Variants in ERI1 observed in about 807,000 individuals in gnomAD.
The protein encoded by ERI1 is 3'-5' exoribonuclease 1.
ERI1 carries 39 observed loss-of-function variants against 39.7 expected under a neutral mutation model. The observed-to-expected ratio is 0.98, with a 90% CI of 0.76 to 1.28. The LOEUF is 1.28. Ranked by LOEUF, ERI1 falls within the 50% of genes most tolerant of loss-of-function variation. The pLI, the probability that ERI1 is intolerant of heterozygous loss-of-function variation, is 0.00. For missense variants in ERI1, 581 were observed against 416.9 expected, an observed-to-expected ratio of 1.39 and a Z score of -3.43; for synonymous variants, 204 against 149.6, an observed-to-expected ratio of 1.36 and a Z score of -2.65.
intron 3 of ERI1, among the ~76,000 whole-genome samples, chr8:9,087,972 C>T (rs577436084): frequency 6.6e-6 from 1 of 152,314 alleles, no homozygotes; most frequent in African/African-American, 2.4e-5. Context: ...TCCAGTTGAT[C>T]ATCACATTCC....
intron 3 of ERI1, among the ~76,000 whole-genome samples, chr8:9,050,191 C>A (rs2117370782): frequency 6.6e-6 from 1 of 150,802 alleles, no homozygotes; most frequent in Non-Finnish European, 1.5e-5. Flanking sequence ...AAAAAGATAG[C>A]TATTTTCGCC....
At chr8:9,078,228 A>G (rs1305958948) in intron 3 of ERI1, among the ~76,000 whole-genome samples, 1 of 152,120 alleles carries the variant, frequency 6.6e-6, no homozygotes, top group Non-Finnish European at 1.5e-5. Context: ...GACCTCAAGC[A>G]ATCCACCCAC....
At chr8:9,012,598 TAGA>T (rs1455903756) in intron 3 of ERI1, among the ~76,000 whole-genome samples, 1 of 152,228 alleles carries the variant, frequency 6.6e-6, no homozygotes, top group East Asian at 1.9e-4. Context: ...GTCAGTAAAT[TAGA>T]AGGAAAAATG....
intron 2 of ERI1, among the ~76,000 whole-genome samples, chr8:9,011,296 CTG>C (rs1323356772): frequency 6.6e-6 from 1 of 152,030 alleles, no homozygotes; most frequent in East Asian, 1.9e-4. Context: ...GGAGAAAATA[CTG>C]TTATATACTA....
chr8:9,003,096 CG>C lies in ERI1; in HGVS notation c.34del (p.Glu12ArgfsTer68). ...EDPQSKEPAG[E>X]AVALALLESP... ...ATCCACAGAGTAAAGAGCCTGCCGG[CG>C]AGGCCGTGGCTCTCGCGCTGCTGGA... On this transcript the variant is annotated frameshift_variant, in exon 1 of 7. Coordinates refer to ENST00000250263, the MANE Select transcript of ERI1 (RefSeq NM_153332.4). LOFTEE classifies it high-confidence loss of function. The C allele has an allele frequency of 8.0e-7, 1 of 1,247,724 alleles. No homozygotes were observed. Among genetic ancestry groups the C allele is most frequent in the Non-Finnish European group, 1.0e-6 (1 of 989,396 alleles). 77.3% of individuals were successfully genotyped at this position (1,247,724 alleles called of 1,614,324 possible). A position where few individuals can be genotyped will look rare whatever the true frequency, so the allele number is the denominator to read the frequency against.
At chr8:9,028,114 C>A (rs954610783) in intron 6 of ERI1, among the ~76,000 whole-genome samples, 1 of 152,094 alleles carries the variant, frequency 6.6e-6, no homozygotes, top group African/African-American at 2.4e-5. Context: ...AGTATTTCTT[C>A]TTCAATTTTT....
intron 3 of ERI1, among the ~76,000 whole-genome samples, chr8:9,079,897 C>G (rs573633110): frequency 6.6e-6 from 1 of 151,838 alleles, no homozygotes; most frequent in South Asian, 2.1e-4. Flanking sequence ...TCTTGAACAC[C>G]TAGGCTCCAG....
At chr8:9,006,750 T>C (rs1816061171) in intron 1 of ERI1, among the ~76,000 whole-genome samples, 1 of 152,190 alleles carries the variant, frequency 6.6e-6, no homozygotes, top group Non-Finnish European at 1.5e-5. Flanking sequence ...GTTCACACAT[T>C]GGAACTGCTG....
chr8:9,049,449 G>C (rs371432342), intron 3 of ERI1, among the ~76,000 whole-genome samples: 48 of 151,504 alleles, frequency 3.2e-4, no homozygotes, highest in African/African-American at 9.7e-4. Context: ...GGGTTGCTGA[G>C]GTTGGGGTGA....
chr8:9,013,999 T>C (rs376337166), intron 3 of ERI1, among the ~76,000 whole-genome samples: 61 of 152,338 alleles, frequency 4.0e-4, no homozygotes, highest in African/African-American at 1.4e-3. Flanking sequence ...CAACCAGTTC[T>C]CAAAAAACTG....
chr8:9,054,400 C>G (rs767168357), intron 3 of ERI1, among the ~76,000 whole-genome samples: 1 of 152,034 alleles, frequency 6.6e-6, no homozygotes, highest in Non-Finnish European at 1.5e-5. Context: ...TGTTTCTATT[C>G]TTTATGTAAT....
At chr8:9,087,127 C>T (rs972657288) in intron 3 of ERI1, among the ~76,000 whole-genome samples, 1 of 152,064 alleles carries the variant, frequency 6.6e-6, no homozygotes, top group Non-Finnish European at 1.5e-5. Flanking sequence ...TGGTTTGCTG[C>T]ACCCACCAAC....
chr8:9,041,050 G>A (rs1376382442), intron 3 of ERI1, among the ~76,000 whole-genome samples: 2 of 152,202 alleles, frequency 1.3e-5, no homozygotes, highest in African/African-American at 4.8e-5. Context: ...CCAGGCACTT[G>A]CTCCGCTGAG....
Position 9,014,172 on chromosome 8 carries a change from C to G in ERI1, c.499-2150C>G, listed in dbSNP as rs184030866. 2.6e-5 allele frequency among the ~76,000 whole-genome samples: 4 copies of G among 152,288 alleles called. No individual in the cohort carries two copies. The East Asian group carries it at 5.8e-4, about 22-fold the overall frequency. On this transcript the variant is annotated intron_variant, in intron 3 of 6. Transcript: ENST00000250263. Reference sequence around the variant, plus strand: ...TTACTACTCTTTTCCTTAACTCATTCCACTCCAGGCATACTGACCTGCTTG... The same window carrying G: ...TTACTACTCTTTTCCTTAACTCATTGCACTCCAGGCATACTGACCTGCTTG...
chr8:9,062,609 A>C (rs1174430410), intron 3 of ERI1: 1 of 147,248 alleles, frequency 6.8e-6, no homozygotes, highest in African/African-American at 2.4e-5. Flanking sequence ...TTGATTAAGA[A>C]GGGGACGGAC....
chr8:9,048,355 A>C (rs1182797749), intron 3 of ERI1: 1 of 154,378 alleles, frequency 6.5e-6, no homozygotes, highest in African/African-American at 2.4e-5. Context: ...GTCAGCACTG[A>C]TGTGAGGGTT....
chr8:9,038,724 C>T (rs1797928717), intron 3 of ERI1, among the ~76,000 whole-genome samples: 1 of 152,080 alleles, frequency 6.6e-6, no homozygotes, highest in Admixed American at 6.5e-5. Context: ...TTTATTGTGA[C>T]CGTAAGGATG....
In ERI1 at chr8:9,078,059, G is replaced by A. The variant is rs138052635; in HGVS notation, n.300-38289G>A. ...GGCTGGAATGCAGTGGAGTGATCTCGGCTCACTGCAACCTCCACCTCCTGG... is the reference window on the plus strand; with the variant it reads ...GGCTGGAATGCAGTGGAGTGATCTCAGCTCACTGCAACCTCCACCTCCTGG... On this transcript the variant is annotated intron_variant and non_coding_transcript_variant, in intron 3 of 3. Transcript: ENST00000518663. Among the ~76,000 whole-genome samples, 389 of 151,898 alleles carry A rather than the reference G, an allele frequency of 2.6e-3. 4 individuals are homozygous for A. The highest frequency in any genetic ancestry group is 9.0e-3 in the African/African-American group (372 of 41,400).
chr8:9,029,651 T>C, intron 6 of ERI1, 141 bp from the exon 7 acceptor site: 1 of 1,020,412 alleles, frequency 9.8e-7, no homozygotes, highest in Non-Finnish European at 1.4e-6. Flanking sequence ...ATTTGCCTTA[T>C]TTGAGTGGGG....
Sources: gnomAD v4.1 joint callset for allele counts (sites outside exome capture counted in the v4.1 genomes callset) on GRCh38, gnomAD v4.1.1 for gene constraint, MANE v1.5 for transcripts, NCBI Gene and HGNC (gene_info 2026-07-23, HGNC 2026-07-21) for gene names.